Variants in KALRN observed in about 807,000 individuals in gnomAD.
KALRN encodes kalirin.
A neutral mutation model predicts 353.7 loss-of-function variants in KALRN; 70 were observed. The observed-to-expected ratio is 0.20, with a 90% CI of 0.16 to 0.24. The LOEUF is 0.24. Among genes scored for constraint, KALRN ranks in the 10% least tolerant of loss-of-function variants. The probability of loss-of-function intolerance (pLI) is 1.00; values close to 1 mark genes in which losing one functional copy is unlikely to be tolerated. For missense variants in KALRN, 2,791 were observed against 3,756.7 expected (o/e 0.74, Z 6.72); for synonymous variants, 1,391 against 1,434.8 (o/e 0.97, Z 0.69).
intron 1 of KALRN, among the ~76,000 whole-genome samples, chr3:124,187,218 T>C (rs1313942250): frequency 6.6e-6 from 1 of 152,136 alleles, no homozygotes; most frequent in Non-Finnish European, 1.5e-5. Context: ...GTAGCTGGGA[T>C]TACAGGTGCC....
At chr3:124,282,657 A>C (rs1196772433) in intron 5 of KALRN, among the ~76,000 whole-genome samples, 1 of 152,192 alleles carries the variant, frequency 6.6e-6, no homozygotes, top group Non-Finnish European at 1.5e-5. Context: ...GATTACAGGC[A>C]TGAGCCACCA....
chr3:124,306,890 A>G (rs1050803556), intron 6 of KALRN, among the ~76,000 whole-genome samples: 5 of 152,202 alleles, frequency 3.3e-5, no homozygotes, highest in Non-Finnish European at 7.4e-5. Context: ...AGAATACTAT[A>G]TCCAACAAAA....
At chr3:124,373,996 A>G (rs548744225) in intron 10 of KALRN, among the ~76,000 whole-genome samples, 1 of 152,260 alleles carries the variant, frequency 6.6e-6, no homozygotes, top group Non-Finnish European at 1.5e-5. Context: ...GGTAAAACCC[A>G]GGGCAAGTAG....
At chr3:124,094,661 TCCCGGCACAGTCAGCCTCTG>T in intron 1 of KALRN, 1 of 647,990 alleles carries the variant, frequency 1.5e-6, no homozygotes, top group Non-Finnish European at 2.9e-6. Flanking sequence ...TGAAACCGGC[TCCCGGCACAGTCAGCCTCTG>T]TGTGGGAGGA....
intron 1 of KALRN, among the ~76,000 whole-genome samples, chr3:124,107,424 G>A (rs1304973392): frequency 2.0e-5 from 3 of 152,026 alleles, no homozygotes; most frequent in Non-Finnish European, 2.9e-5. Flanking sequence ...TCCCATCCTC[G>A]GTAATATACA....
At chr3:124,304,461 A>G (rs1024991701) in intron 6 of KALRN, among the ~76,000 whole-genome samples, 4 of 152,334 alleles carry the variant, frequency 2.6e-5, no homozygotes, top group East Asian at 1.9e-4. Context: ...CTATTTCTCT[A>G]TGAAGATCTA....
chr3:124,667,398 A>G (rs930578264), intron 47 of KALRN, among the ~76,000 whole-genome samples: 1 of 152,252 alleles, frequency 6.6e-6, no homozygotes, highest in African/African-American at 2.4e-5. Flanking sequence ...TCTTTCTGAT[A>G]GAAGAGATTT....
At chr3:124,160,534 A>C (rs1457192314) in intron 1 of KALRN, among the ~76,000 whole-genome samples, 2 of 152,086 alleles carry the variant, frequency 1.3e-5, no homozygotes, top group Non-Finnish European at 2.9e-5. Context: ...GAAATGACCC[A>C]ATTGGTTTTT....
intron 5 of KALRN, among the ~76,000 whole-genome samples, chr3:124,293,874 A>G (rs1311195483): frequency 6.6e-6 from 1 of 152,188 alleles, no homozygotes; most frequent in East Asian, 1.9e-4. Context: ...GGGAGCTTAG[A>G]AAGAGTCCAC....
chr3:124,451,242 G>C (rs1194288390), intron 21 of KALRN, among the ~76,000 whole-genome samples: 1 of 151,690 alleles, frequency 6.6e-6, no homozygotes, highest in African/African-American at 2.4e-5. Flanking sequence ...CATAACCAAA[G>C]ATAGAAAGAA....
intron 6 of KALRN, among the ~76,000 whole-genome samples, chr3:124,303,633 A>G (rs1056917175): frequency 4.6e-5 from 7 of 152,326 alleles, no homozygotes; most frequent in South Asian, 2.1e-4. Context: ...GTTCTTTGGG[A>G]AAAATAAATT....
intron 3 of KALRN, among the ~76,000 whole-genome samples, chr3:124,252,872 G>C (rs1156474197): frequency 6.6e-6 from 1 of 152,136 alleles, no homozygotes; most frequent in Non-Finnish European, 1.5e-5. Context: ...CATCCAGGAG[G>C]CCTCCCCATT....
At chr3:124,128,025 G>C (rs2064879269) in intron 1 of KALRN, among the ~76,000 whole-genome samples, 1 of 151,920 alleles carries the variant, frequency 6.6e-6, no homozygotes, top group African/African-American at 2.4e-5. Context: ...TTATGTCCTT[G>C]ACATGTAGAA....
At chr3:124,436,534 T>C (rs1412942421) in intron 17 of KALRN, among the ~76,000 whole-genome samples, 1 of 151,936 alleles carries the variant, frequency 6.6e-6, no homozygotes, top group Non-Finnish European at 1.5e-5. Flanking sequence ...ATGACAGATC[T>C]TCTCATGTGA....
chr3:124,361,206 G>A (rs1168396317), intron 10 of KALRN, among the ~76,000 whole-genome samples: 1 of 152,132 alleles, frequency 6.6e-6, no homozygotes, highest in African/African-American at 2.4e-5. Flanking sequence ...TAAAAAAACT[G>A]GGGTTAGTCA....
intron 5 of KALRN, among the ~76,000 whole-genome samples, chr3:124,279,359 A>G (rs1407337900): frequency 2.0e-5 from 3 of 152,248 alleles, no homozygotes; most frequent in Admixed American, 2.0e-4. Flanking sequence ...AGCCTTGAAG[A>G]CATTCAGCAC....
intron 48 of KALRN, among the ~76,000 whole-genome samples, chr3:124,672,609 A>C (rs752430137): frequency 6.6e-6 from 1 of 152,222 alleles, no homozygotes; most frequent in Non-Finnish European, 1.5e-5. Flanking sequence ...CTTGGATTGA[A>C]TGTTTGTCGT....
At chr3:124,433,090 G>C (rs1024583569) in intron 16 of KALRN, among the ~76,000 whole-genome samples, 1 of 152,098 alleles carries the variant, frequency 6.6e-6, no homozygotes, top group Non-Finnish European at 1.5e-5. Context: ...TATTTCAAAG[G>C]GAGTGAAAGC....
intron 34 of KALRN, among the ~76,000 whole-genome samples, chr3:124,606,094 A>G (rs1229164306): frequency 6.6e-6 from 1 of 152,210 alleles, no homozygotes; most frequent in Non-Finnish European, 1.5e-5. Context: ...TTGACTTAAC[A>G]TAGTCATGCA....
Sources: allele counts gnomAD v4.1 joint callset (sites outside exome capture counted in the v4.1 genomes callset), GRCh38; gene constraint gnomAD v4.1.1; transcripts MANE v1.5; gene names NCBI Gene and HGNC (gene_info 2026-07-23, HGNC 2026-07-21).